MYCBP2: variants seen among roughly 807,000 people sequenced by gnomAD.
MYCBP2 encodes E3 ubiquitin-protein ligase MYCBP2.
MYCBP2 carries 120 observed loss-of-function variants against 525.3 expected under a neutral mutation model. The ratio of observed to expected loss-of-function variants is 0.23; its 90% CI spans 0.20 to 0.27. The LOEUF (loss-of-function observed/expected upper bound fraction) is 0.27. Among genes scored for constraint, MYCBP2 ranks in the 10% least tolerant of loss-of-function variants. The pLI is 1.00. For missense variants in MYCBP2, 4,149 were observed against 5,657.1 expected (o/e 0.73, Z 8.55); for synonymous variants, 1,894 against 1,955.8 (o/e 0.97, Z 0.83).
chr13:77,095,086 A>C (rs527552190), intron 58 of MYCBP2, among the ~76,000 whole-genome samples: 1 of 152,298 alleles, frequency 6.6e-6, no homozygotes, highest in East Asian at 1.9e-4. Flanking sequence ...CAGCCTACCA[A>C]AGAGTAAAAG....
chr13:77,300,286 A>G (rs893669415), intron 1 of MYCBP2, among the ~76,000 whole-genome samples: 3 of 152,212 alleles, frequency 2.0e-5, no homozygotes, highest in Non-Finnish European at 4.4e-5. Flanking sequence ...TTTTCTGCAA[A>G]GGGCCACACA....
chr13:77,230,613 G>A (rs561451590), intron 18 of MYCBP2, among the ~76,000 whole-genome samples: 6 of 152,248 alleles, frequency 3.9e-5, no homozygotes, highest in South Asian at 2.1e-4. Flanking sequence ...TCACATAGCC[G>A]AAAGATAATT....
chr13:77,102,857 G>A (rs1015193208), intron 55 of MYCBP2, among the ~76,000 whole-genome samples: 1 of 151,638 alleles, frequency 6.6e-6, no homozygotes, highest in African/African-American at 2.4e-5. Context: ...TTTATGCCTT[G>A]CACATATATC....
At chr13:77,190,757 G>C (rs1595280743) in intron 28 of MYCBP2, among the ~76,000 whole-genome samples, 1 of 152,128 alleles carries the variant, frequency 6.6e-6, no homozygotes, top group East Asian at 1.9e-4. Flanking sequence ...TAGTTCTAAA[G>C]ACATTCTTAA....
chr13:77,291,438 AC>A, intron 2 of MYCBP2, among the ~76,000 whole-genome samples: 1 of 152,240 alleles, frequency 6.6e-6, no homozygotes, highest in Non-Finnish European at 1.5e-5. Context: ...ACAGATTGGA[AC>A]AACCACTTTG....
chr13:77,247,040 G>A (rs928611686), intron 15 of MYCBP2, among the ~76,000 whole-genome samples: 1 of 152,108 alleles, frequency 6.6e-6, no homozygotes, highest in Non-Finnish European at 1.5e-5. Flanking sequence ...GCTTTTCCTC[G>A]TAATATCAGG....
chr13:77,262,546 G>A (rs2073474556), intron 10 of MYCBP2, among the ~76,000 whole-genome samples: 2 of 151,938 alleles, frequency 1.3e-5, no homozygotes, highest in African/African-American at 4.8e-5. Flanking sequence ...TATAAAGGTT[G>A]GAGAGGTTAG....
intron 56 of MYCBP2, among the ~76,000 whole-genome samples, chr13:77,096,726 A>C (rs1290811712): frequency 6.6e-6 from 1 of 152,180 alleles, no homozygotes; most frequent in Non-Finnish European, 1.5e-5. Flanking sequence ...TAAAAGAGAG[A>C]TAGAATATAG....
intron 5 of MYCBP2, among the ~76,000 whole-genome samples, chr13:77,273,054 AT>A (rs1306828898): frequency 1.3e-5 from 2 of 152,234 alleles, no homozygotes; most frequent in South Asian, 2.1e-4. Flanking sequence ...TCATAAAAAA[AT>A]CATAATCAAC....
rs2058769085 is a variant in MYCBP2, at chr13:77,168,448, C to A, written c.6094G>T (p.Ala2032Ser). 1 of 1,613,930 alleles carries A rather than the reference C, an allele frequency of 6.2e-7. No homozygotes were observed. The highest frequency in any genetic ancestry group is 8.5e-7 in the Non-Finnish European group (1 of 1,179,940). The change falls in exon 40 of 83, where the codon GCC becomes TCC. Residue 2032 changes from alanine to serine, a missense_variant. Physicochemically the swap from Ala to Ser is moderately conservative, Grantham distance 99. Around this residue, in one of 21 missense-constraint regions of MYCBP2, gnomAD observed 692 missense variants for 852.7 expected, o/e 0.81. Transcript: ENST00000544440. ...CCTACCTTGTAATGCATCACACAGGCAGGTTTATACGGGTGCTCACTCTCT... is the reference window on the plus strand; with the variant it reads ...CCTACCTTGTAATGCATCACACAGGAAGGTTTATACGGGTGCTCACTCTCT... ...VIESEHPYKP[A>S]CVMHYKVTFP...
intron 82 of MYCBP2, among the ~76,000 whole-genome samples, chr13:77,046,318 A>T (rs1325843132): frequency 1.3e-5 from 2 of 152,214 alleles, no homozygotes; most frequent in Non-Finnish European, 1.5e-5. Flanking sequence ...GTCCCTATTT[A>T]ATAGTAGATG....
At chr13:77,119,070 T>A (rs2154155085) in intron 55 of MYCBP2, among the ~76,000 whole-genome samples, 1 of 152,326 alleles carries the variant, frequency 6.6e-6, no homozygotes, top group Middle Eastern at 3.4e-3. Context: ...TTTAAAAGCA[T>A]GAAATATTTT....
At chr13:77,119,427 T>C (rs1219404028) in intron 55 of MYCBP2, among the ~76,000 whole-genome samples, 1 of 152,088 alleles carries the variant, frequency 6.6e-6, no homozygotes, top group Non-Finnish European at 1.5e-5. Flanking sequence ...GATAGATTTA[T>C]GTGGAAAGAA....
intron 55 of MYCBP2, among the ~76,000 whole-genome samples, chr13:77,116,086 C>T (rs1210656283): frequency 1.3e-5 from 2 of 151,856 alleles, no homozygotes; most frequent in African/African-American, 4.8e-5. Context: ...TTTATCCTCT[C>T]TAAGCCTATG....
At chr13:77,319,318 G>A (rs1352089151) in intron 1 of MYCBP2, among the ~76,000 whole-genome samples, 1 of 152,096 alleles carries the variant, frequency 6.6e-6, no homozygotes, top group Non-Finnish European at 1.5e-5. Context: ...GGCCCAGAGG[G>A]TTAAGAGGAA....
At chr13:77,301,274 G>A (rs2078763295) in intron 1 of MYCBP2, among the ~76,000 whole-genome samples, 1 of 151,870 alleles carries the variant, frequency 6.6e-6, no homozygotes, top group South Asian at 2.1e-4. Context: ...AAATTAGCTG[G>A]GTATGGTGGT....
intron 21 of MYCBP2, among the ~76,000 whole-genome samples, chr13:77,213,998 G>A (rs1593979680): frequency 6.6e-6 from 1 of 152,068 alleles, no homozygotes; most frequent in African/African-American, 2.4e-5. Flanking sequence ...GGCGTGTGAA[G>A]AAGTTAGAAA....
At chr13:77,147,021 T>C (rs1209344092) in intron 47 of MYCBP2, among the ~76,000 whole-genome samples, 2 of 152,082 alleles carry the variant, frequency 1.3e-5, no homozygotes, top group African/African-American at 4.8e-5. Flanking sequence ...AGATCCCCAA[T>C]GGAATGCTTT....
intron 18 of MYCBP2, among the ~76,000 whole-genome samples, chr13:77,232,513 C>CT (rs905255189): frequency 4.6e-5 from 7 of 152,200 alleles, no homozygotes; most frequent in Non-Finnish European, 8.8e-5. Flanking sequence ...ACCCAGAACT[C>CT]TGAGATCTCA....
Sources: allele counts gnomAD v4.1 joint callset (sites outside exome capture counted in the v4.1 genomes callset), GRCh38; gene constraint gnomAD v4.1.1; regional missense constraint gnomAD v4.1.1; transcripts MANE v1.5; gene names NCBI Gene and HGNC (gene_info 2026-07-23, HGNC 2026-07-21).